Variants in SOBP observed in about 807,000 individuals in gnomAD.
SOBP encodes the protein sine oculis binding protein homolog.
Under a neutral mutation model 53.6 loss-of-function variants are expected in SOBP, and 4 were observed. That is an observed-to-expected ratio of 0.07 (90% CI 0.04 to 0.17). SOBP has a LOEUF of 0.17. SOBP is among the 10% of genes least tolerant of loss of function. The pLI, the probability that SOBP is intolerant of heterozygous loss-of-function variation, is 1.00. For synonymous variants in SOBP, 584 were observed against 522.6 expected, an observed-to-expected ratio of 1.12 and a Z score of -1.60; for missense variants, 1,088 against 1,204.7, an observed-to-expected ratio of 0.90 and a Z score of 1.43.
At chr6:107,549,128 A>G (rs1041782881) in intron 4 of SOBP, among the ~76,000 whole-genome samples, 4 of 151,958 alleles carry the variant, frequency 2.6e-5, no homozygotes, top group Admixed American at 1.3e-4. Flanking sequence ...TTAGCTGGGC[A>G]TGATGGCAGG....
intron 6 of SOBP, among the ~76,000 whole-genome samples, chr6:107,654,423 T>C (rs1771930475): frequency 1.3e-5 from 2 of 152,182 alleles, no homozygotes; most frequent in African/African-American, 2.4e-5. Context: ...TAAGGGGTAT[T>C]CCACAAACCT....
At chr6:107,555,585 G>A (rs551233475) in intron 4 of SOBP, among the ~76,000 whole-genome samples, 12 of 152,346 alleles carry the variant, frequency 7.9e-5, no homozygotes, top group East Asian at 5.8e-4. Context: ...CCTTCCAAGC[G>A]CAGCTGCACA....
chr6:107,525,969 C>T (rs118148497), intron 3 of SOBP, among the ~76,000 whole-genome samples: 5,230 of 151,982 alleles, frequency 0.034, 118 homozygotes, highest in Middle Eastern at 0.16. Context: ...TTCCCCGAGA[C>T]GGAGTTTCGC....
At chr6:107,569,741 G>A (rs1461761632) in intron 4 of SOBP, among the ~76,000 whole-genome samples, 1 of 152,216 alleles carries the variant, frequency 6.6e-6, no homozygotes, top group Non-Finnish European at 1.5e-5. Flanking sequence ...TATGTGCAAA[G>A]TAGTGTGCTT....
chr6:107,532,743 C>T (rs1373774830), intron 3 of SOBP, among the ~76,000 whole-genome samples: 1 of 152,162 alleles, frequency 6.6e-6, no homozygotes. Context: ...TACCATCCCT[C>T]CATCCAGGGC....
chr6:107,634,910 C>A lies in SOBP; in HGVS notation c.2066C>A (p.Thr689Asn), dbSNP rs1411327595. ...GAGCCGAGCGCCGCGGAGCGCAGGACCTGCGGCGGCTGCAGGGACGGCCAC... is the reference window on the plus strand; with the variant it reads ...GAGCCGAGCGCCGCGGAGCGCAGGAACTGCGGCGGCTGCAGGGACGGCCAC... ...EREPSAAERR[T>N]CGGCRDGHCS... Residue 689 changes from threonine to asparagine, a missense_variant, in exon 6 of 7, where the codon ACC (threonine) becomes AAC (asparagine). Physicochemically the swap from Thr to Asn is moderately conservative, Grantham distance 65 (BLOSUM62 0). Transcript: ENST00000317357. This position sits in a 1 kb window ranked among gnomAD's most constrained non-coding sequence, Gnocchi z 4.5. 8.9e-6 allele frequency: 11 copies of A among 1,237,688 alleles called. No homozygotes were observed. The highest frequency in any genetic ancestry group is 1.0e-5 in the Non-Finnish European group (10 of 982,044). 76.7% of individuals were successfully genotyped at this position (1,237,688 alleles called of 1,614,324 possible). A position where few individuals can be genotyped will look rare whatever the true frequency, so the allele number is the denominator to read the frequency against.
intron 4 of SOBP, among the ~76,000 whole-genome samples, chr6:107,553,573 G>A (rs1005587479): frequency 6.6e-6 from 1 of 151,082 alleles, no homozygotes; most frequent in Admixed American, 6.6e-5. Context: ...TGCAACCTCC[G>A]CCTCCCCAGT....
intron 6 of SOBP, among the ~76,000 whole-genome samples, chr6:107,657,178 G>C (rs1380059390): frequency 1.3e-5 from 2 of 152,222 alleles, no homozygotes; most frequent in Non-Finnish European, 2.9e-5. Context: ...GCTGCTCCCA[G>C]AACTGACTGA....
At chr6:107,654,983 C>A (rs549418624) in intron 6 of SOBP, among the ~76,000 whole-genome samples, 1 of 151,794 alleles carries the variant, frequency 6.6e-6, no homozygotes, top group Non-Finnish European at 1.5e-5. Flanking sequence ...GTAGAAGAAT[C>A]GAGGCTCTGG....
At chr6:107,626,120 G>GA in intron 5 of SOBP, among the ~76,000 whole-genome samples, 1 of 152,210 alleles carries the variant, frequency 6.6e-6, no homozygotes, top group African/African-American at 2.4e-5. Flanking sequence ...ATACATATCT[G>GA]AAAAAAGATT....
At chr6:107,523,578 C>T (rs1038289569) in intron 3 of SOBP, among the ~76,000 whole-genome samples, 1 of 152,168 alleles carries the variant, frequency 6.6e-6, no homozygotes, top group Non-Finnish European at 1.5e-5. Flanking sequence ...TCCCAGGTGT[C>T]CCTTTGACAC....
rs1786292412 is a variant in SOBP at position 107,604,446 on chromosome 6, G to A, written c.669+17271G>A. 2.0e-5 allele frequency among the ~76,000 whole-genome samples: 3 copies of A among 152,114 alleles called. No individual in the cohort carries two copies. The South Asian group carries it at 6.2e-4, about 32-fold the overall frequency. On this transcript the variant is annotated intron_variant, in intron 5 of 6. Coordinates refer to ENST00000317357, the MANE Select transcript of SOBP (RefSeq NM_018013.4). ...GGTTATTGTCTTGTGATATAATTTC[G>A]TTTCACTGCTCGTCCTGTTCTAGAG...
intron 4 of SOBP, among the ~76,000 whole-genome samples, chr6:107,553,990 G>A (rs1784538513): frequency 6.6e-6 from 1 of 152,182 alleles, no homozygotes; most frequent in South Asian, 2.1e-4. Flanking sequence ...CCTTAAGCCA[G>A]AGATAGAAGA....
At chr6:107,538,046 G>A (rs974181405) in intron 4 of SOBP, among the ~76,000 whole-genome samples, 1 of 152,120 alleles carries the variant, frequency 6.6e-6, no homozygotes, top group Non-Finnish European at 1.5e-5. Context: ...AGAATATTCT[G>A]TTATTGGCAT....
intron 4 of SOBP, among the ~76,000 whole-genome samples, chr6:107,581,521 T>G (rs1038551212): frequency 1.3e-5 from 2 of 152,168 alleles, no homozygotes; most frequent in Non-Finnish European, 2.9e-5. Context: ...AGATCCCAGG[T>G]GTCTGTCCAC....
At chr6:107,641,917 G>T (rs193072572) in intron 6 of SOBP, among the ~76,000 whole-genome samples, 1 of 152,302 alleles carries the variant, frequency 6.6e-6, no homozygotes, top group Admixed American at 6.5e-5. Context: ...AGGGACGGGG[G>T]TGGCCATGCT....
At chr6:107,595,801 A>G (rs111867505) in intron 5 of SOBP, among the ~76,000 whole-genome samples, 4 of 152,206 alleles carry the variant, frequency 2.6e-5, no homozygotes, top group African/African-American at 9.6e-5. Flanking sequence ...TGTGAGTAAT[A>G]AGAGAGGCAA....
At chr6:107,527,809 C>T (rs1265906057) in intron 3 of SOBP, among the ~76,000 whole-genome samples, 1 of 152,170 alleles carries the variant, frequency 6.6e-6, no homozygotes, top group East Asian at 1.9e-4. Flanking sequence ...TAAAAAGTCA[C>T]CCCCTTGAGA....
intron 4 of SOBP, among the ~76,000 whole-genome samples, chr6:107,572,234 T>C (rs181474724): frequency 6.6e-6 from 1 of 151,528 alleles, no homozygotes; most frequent in African/African-American, 2.4e-5. Context: ...CTAATAAATC[T>C]GGCAACACTT....
Sources: allele counts gnomAD v4.1 joint callset (sites outside exome capture counted in the v4.1 genomes callset), GRCh38; gene constraint gnomAD v4.1.1; non-coding constraint Gnocchi (gnomAD v3.1); transcripts MANE v1.5; gene names NCBI Gene and HGNC (gene_info 2026-07-23, HGNC 2026-07-21).